Variants in PARD3 observed in about 807,000 individuals in gnomAD.
PARD3 encodes the protein par-3 family cell polarity regulator.
In PARD3, 75 loss-of-function variants were observed where a neutral mutation model predicts 155.4. The observed-to-expected ratio is 0.48, with a 90% CI of 0.40 to 0.58. The LOEUF (loss-of-function observed/expected upper bound fraction) is 0.58. PARD3 is among the 20% of genes least tolerant of loss of function. The pLI is 0.00. For synonymous variants in PARD3, 576 were observed against 610.5 expected, an observed-to-expected ratio of 0.94 and a Z score of 0.83; for missense variants, 1,642 against 1,721.7, an observed-to-expected ratio of 0.95 and a Z score of 0.82.
chr10:34,376,430 G>C (rs967630403), intron 10 of PARD3, among the ~76,000 whole-genome samples: 1 of 151,970 alleles, frequency 6.6e-6, no homozygotes, highest in East Asian at 1.9e-4. Flanking sequence ...TATTTTTTTG[G>C]ACTCAGAAGA....
intron 12 of PARD3, among the ~76,000 whole-genome samples, chr10:34,369,027 T>TTC (rs1840292192): frequency 6.6e-6 from 1 of 150,422 alleles, no homozygotes; most frequent in African/African-American, 2.5e-5. Flanking sequence ...CTTTTTTTTT[T>TTC]CCCCCCTCAA....
At chr10:34,441,285 T>C (rs1037067445) in intron 5 of PARD3, among the ~76,000 whole-genome samples, 3 of 152,174 alleles carry the variant, frequency 2.0e-5, no homozygotes, top group Non-Finnish European at 4.4e-5. Context: ...GAAAACATCT[T>C]ATGAGTGTCT....
intron 2 of PARD3, among the ~76,000 whole-genome samples, chr10:34,626,048 G>T (rs2091966135): frequency 6.6e-6 from 1 of 152,186 alleles, no homozygotes; most frequent in African/African-American, 2.4e-5. Flanking sequence ...AAACTGCCCA[G>T]TAGTAAACAG....
chr10:34,201,093 C>G (rs976082855), intron 22 of PARD3, among the ~76,000 whole-genome samples: 1 of 152,164 alleles, frequency 6.6e-6, no homozygotes, highest in Non-Finnish European at 1.5e-5. Flanking sequence ...GGCATGGGAT[C>G]TAGAGACAGA....
At chr10:34,699,758 C>G (rs1318290618) in intron 1 of PARD3, among the ~76,000 whole-genome samples, 4 of 152,098 alleles carry the variant, frequency 2.6e-5, no homozygotes, top group Admixed American at 2.6e-4. Flanking sequence ...ACCTGCAGTC[C>G]CAGCTAATTG....
At chr10:34,705,555 C>A (rs2133578263) in intron 1 of PARD3, among the ~76,000 whole-genome samples, 1 of 151,822 alleles carries the variant, frequency 6.6e-6, no homozygotes, top group Non-Finnish European at 1.5e-5. Context: ...AATCTTGTTA[C>A]AGGAACACTG....
intron 2 of PARD3, among the ~76,000 whole-genome samples, chr10:34,592,885 A>G (rs2088851084): frequency 6.6e-6 from 1 of 152,104 alleles, no homozygotes; most frequent in Non-Finnish European, 1.5e-5. Flanking sequence ...ATTCAACTAG[A>G]CCTCCCCAGG....
At chr10:34,228,709 T>C (rs1307848402) in intron 22 of PARD3, among the ~76,000 whole-genome samples, 1 of 152,062 alleles carries the variant, frequency 6.6e-6, no homozygotes, top group Non-Finnish European at 1.5e-5. Flanking sequence ...CAGAGGAAGA[T>C]ATGGGATTTT....
At chr10:34,303,740 G>A (rs1187762324) in intron 20 of PARD3, among the ~76,000 whole-genome samples, 1 of 152,060 alleles carries the variant, frequency 6.6e-6, no homozygotes, top group Non-Finnish European at 1.5e-5. Flanking sequence ...AAGGAGCAAA[G>A]CCCTGAGAGG....
chr10:34,684,766 C>T (rs2093912809), intron 2 of PARD3, among the ~76,000 whole-genome samples: 1 of 146,468 alleles, frequency 6.8e-6, no homozygotes, highest in Admixed American at 7.0e-5. Flanking sequence ...AAGACTTTGG[C>T]TTGATGATAC....
intron 2 of PARD3, among the ~76,000 whole-genome samples, chr10:34,525,260 T>A (rs1350116246): frequency 6.6e-6 from 1 of 152,220 alleles, no homozygotes; most frequent in African/African-American, 2.4e-5. Context: ...CCACGCTTCA[T>A]CAGCATATTA....
chr10:34,130,186 A>G (rs1472958397), intron 23 of PARD3, among the ~76,000 whole-genome samples: 1 of 152,054 alleles, frequency 6.6e-6, no homozygotes, highest in African/African-American at 2.4e-5. Context: ...CAAAAAATAC[A>G]CTGTTTTGAC....
chr10:34,749,679 C>T (rs1026057469), intron 1 of PARD3, among the ~76,000 whole-genome samples: 27 of 152,154 alleles, frequency 1.8e-4, no homozygotes, highest in Admixed American at 9.8e-4. Context: ...ATATGGACTT[C>T]TTGGATAGTC....
At chr10:34,758,584 C>A (rs1441975417) in intron 1 of PARD3, among the ~76,000 whole-genome samples, 1 of 152,202 alleles carries the variant, frequency 6.6e-6, no homozygotes, top group Non-Finnish European at 1.5e-5. Context: ...CAGAAGGACA[C>A]CTCATGATGA....
intron 2 of PARD3, among the ~76,000 whole-genome samples, chr10:34,592,981 G>A (rs1159143373): frequency 6.6e-6 from 1 of 152,132 alleles, no homozygotes; most frequent in African/African-American, 2.4e-5. Context: ...AAACTTCTCA[G>A]ACGCTACACA....
chr10:34,250,200 TAC>T (rs1281813501), intron 22 of PARD3, among the ~76,000 whole-genome samples: 1 of 150,554 alleles, frequency 6.6e-6, no homozygotes, highest in African/African-American at 2.5e-5. Context: ...TAGCTTTAAG[TAC>T]AGTTAAAAAA....
chr10:34,561,144 C>G (rs2085435541), intron 2 of PARD3, among the ~76,000 whole-genome samples: 1 of 152,122 alleles, frequency 6.6e-6, no homozygotes, highest in Admixed American at 6.5e-5. Context: ...GCAAATTATA[C>G]CGACTCTAAT....
At chr10:34,708,291 G>C (rs1048332247) in intron 1 of PARD3, among the ~76,000 whole-genome samples, 1 of 150,624 alleles carries the variant, frequency 6.6e-6, no homozygotes, top group African/African-American at 2.4e-5. Context: ...AGTCCACTTC[G>C]TCTGATATCT....
At chr10:34,120,071 C>CAGTAGTGCA (rs1946908506) in intron 23 of PARD3, among the ~76,000 whole-genome samples, 1 of 127,760 alleles carries the variant, frequency 7.8e-6, no homozygotes, top group Non-Finnish European at 1.6e-5. Context: ...AGCAGGAGTG[C>CAGTAGTGCA]AGTAGTGCAA....
Sources: gnomAD v4.1 joint callset for allele counts (sites outside exome capture counted in the v4.1 genomes callset) on GRCh38, gnomAD v4.1.1 for gene constraint, MANE v1.5 for transcripts, NCBI Gene and HGNC (gene_info 2026-07-23, HGNC 2026-07-21) for gene names.